DIP2C: variants seen among roughly 807,000 people sequenced by gnomAD.
DIP2C encodes the protein DIP2 acetate--CoA ligase C (putative), also known as disco-interacting protein 2 homolog C.
Under a neutral mutation model 192.4 loss-of-function variants are expected in DIP2C, and 33 were observed. The ratio of observed to expected loss-of-function variants is 0.17; its 90% CI spans 0.13 to 0.23. The LOEUF is 0.23. Ranked by LOEUF, DIP2C falls within the 10% of genes least tolerant of loss-of-function variation. The pLI is 1.00. For missense variants in DIP2C, 1,537 were observed against 2,110.1 expected (o/e 0.73, Z 5.32); for synonymous variants, 979 against 864.1 (o/e 1.13, Z -2.33).
chr10:527,476 G>A (rs778854298), intron 1 of DIP2C, among the ~76,000 whole-genome samples: 15 of 152,232 alleles, frequency 9.9e-5, no homozygotes, highest in Non-Finnish European at 2.2e-4. Flanking sequence ...AAAAGATGTG[G>A]TGTTTATTCC....
At chr10:301,946 G>A (rs970810021) in intron 32 of DIP2C, among the ~76,000 whole-genome samples, 3 of 152,010 alleles carry the variant, frequency 2.0e-5, no homozygotes, top group South Asian at 2.1e-4. Flanking sequence ...TTTTTCATTC[G>A]GTTTTCCCAC....
chr10:596,348 G>A (rs867437179), intron 1 of DIP2C, among the ~76,000 whole-genome samples: 9 of 151,616 alleles, frequency 5.9e-5, no homozygotes, highest in Middle Eastern at 3.4e-3. Context: ...CATCTCTAAC[G>A]AAAATTAGCC....
At chr10:514,948 C>T (rs951263042) in intron 1 of DIP2C, among the ~76,000 whole-genome samples, 2 of 152,104 alleles carry the variant, frequency 1.3e-5, no homozygotes, top group African/African-American at 4.8e-5. Context: ...AAAAAACAAG[C>T]TTTTTTTAAC....
intron 1 of DIP2C, among the ~76,000 whole-genome samples, chr10:618,895 C>T (rs1853651381): frequency 6.6e-6 from 1 of 152,190 alleles, no homozygotes. Context: ...TCCCTTTTTC[C>T]AGAACTTAAC....
intron 6 of DIP2C, among the ~76,000 whole-genome samples, chr10:416,771 C>T (rs1241683003): frequency 6.6e-6 from 1 of 152,124 alleles, no homozygotes; most frequent in Non-Finnish European, 1.5e-5. Context: ...CAAAAGCGTC[C>T]TCCTCAGGCA....
intron 32 of DIP2C, among the ~76,000 whole-genome samples, chr10:305,463 C>G (rs1045496019): frequency 3.9e-5 from 6 of 152,126 alleles, no homozygotes; most frequent in Non-Finnish European, 8.8e-5. Context: ...TTCTGTGGCC[C>G]CTGCTCTCAG....
intron 1 of DIP2C, among the ~76,000 whole-genome samples, chr10:539,389 C>G (rs1339874248): frequency 6.6e-6 from 1 of 152,102 alleles, no homozygotes; most frequent in Non-Finnish European, 1.5e-5. Context: ...ATTCACATGG[C>G]AAGTACATGG....
intron 1 of DIP2C, among the ~76,000 whole-genome samples, chr10:535,898 A>G (rs898554635): frequency 1.3e-5 from 2 of 152,228 alleles, no homozygotes; most frequent in African/African-American, 2.4e-5. Flanking sequence ...ACACATACTT[A>G]TATGTATGCA....
At chr10:330,549 G>A (rs528872159) in intron 29 of DIP2C, among the ~76,000 whole-genome samples, 132 of 152,058 alleles carry the variant, frequency 8.7e-4, no homozygotes, top group Non-Finnish European at 1.7e-3. Context: ...CTAGAGTAGG[G>A]TGGTGTAATC....
Position 362,505 on chromosome 10 carries a change from G to A in DIP2C, c.2779C>T (p.Arg927Ter). The A allele has an allele frequency of 6.2e-7, 1 of 1,613,780 alleles. No individual in the cohort carries two copies. The highest frequency in any genetic ancestry group is 8.5e-7 in the Non-Finnish European group (1 of 1,179,864). Residue 927 changes from arginine (R) to a stop codon, truncating the protein, a stop_gained, in exon 22 of 37, where the codon CGA (arginine) becomes TGA (stop). Transcript: ENST00000280886. LOFTEE classifies it high-confidence loss of function. ...HTCVTNLPKP[R>*]QKQPEIGPAS... ...GTGCACATACCTGGCTGCTTCTGTC[G>A]AGGCTTAGGCAAGTTTGTGACGCAG...
chr10:279,302 C>A (rs1264601375), intron 36 of DIP2C, among the ~76,000 whole-genome samples: 2 of 152,138 alleles, frequency 1.3e-5, no homozygotes, highest in African/African-American at 2.4e-5. Flanking sequence ...ACGTCTCAGG[C>A]GCATTTGGTA....
At chr10:557,901 C>CAGGCAG (rs1181007795) in intron 1 of DIP2C, among the ~76,000 whole-genome samples, 1 of 12,024 alleles carries the variant, frequency 8.3e-5, no homozygotes. Context: ...CAGGGGCAGG[C>CAGGCAG]GGGGAAGGGG....
intron 1 of DIP2C, among the ~76,000 whole-genome samples, chr10:490,394 G>A (rs922186064): frequency 3.3e-5 from 5 of 152,208 alleles, no homozygotes; most frequent in African/African-American, 9.6e-5. Context: ...GGGCCATCAC[G>A]TGTCTGTTAT....
chr10:513,788 TAA>T (rs904430443), intron 1 of DIP2C, among the ~76,000 whole-genome samples: 1 of 152,196 alleles, frequency 6.6e-6, no homozygotes, highest in East Asian at 1.9e-4. Flanking sequence ...ATGGCAATTT[TAA>T]AAGTCTCATT....
intron 1 of DIP2C, among the ~76,000 whole-genome samples, chr10:654,509 G>A (rs1236092427): frequency 6.6e-6 from 1 of 152,190 alleles, no homozygotes; most frequent in Non-Finnish European, 1.5e-5. Flanking sequence ...ACAACAGCAA[G>A]ATCCACGGAG....
intron 1 of DIP2C, among the ~76,000 whole-genome samples, chr10:640,195 G>C (rs1383380806): frequency 2.0e-5 from 3 of 152,260 alleles, no homozygotes; most frequent in Non-Finnish European, 4.4e-5. Flanking sequence ...GCAAGTGCCT[G>C]AACGTCCCCA....
intron 29 of DIP2C, among the ~76,000 whole-genome samples, chr10:340,131 A>T (rs1227629440): frequency 1.3e-5 from 2 of 151,854 alleles, no homozygotes; most frequent in African/African-American, 4.8e-5. Context: ...CAGTGAGCTG[A>T]GATTGTGGCA....
intron 1 of DIP2C, among the ~76,000 whole-genome samples, chr10:596,803 G>A (rs997370101): frequency 1.4e-4 from 22 of 152,190 alleles, no homozygotes; most frequent in African/African-American, 4.8e-4. Flanking sequence ...CCTGAGCTGG[G>A]GTGGTGGGGA....
In DIP2C at chr10:548,210, C is replaced by CCCCT. The variant is rs1175137145; in HGVS notation, c.86-61681_86-61680insAGGG. Among the ~76,000 whole-genome samples the CCCCT allele has an allele frequency of 1.4e-3, 148 of 103,614 alleles. 18 individuals are homozygous for CCCCT. Among genetic ancestry groups the CCCCT allele is most frequent in the Admixed American group, 2.2e-3 (25 of 11,132 alleles). 68.0% of individuals were successfully genotyped at this position (103,614 alleles called of 152,430 possible). A position where few individuals can be genotyped will look rare whatever the true frequency, so the allele number is the denominator to read the frequency against. ...TCCAATTCACACGAGTCTGCCCCAC[C>CCCCT]CCCCCCCCCACAGGAAAGCCCTGGT... is the stretch of plus-strand genomic sequence containing the variant. On this transcript the variant is annotated intron_variant, in intron 1 of 36. Transcript: ENST00000280886.
Sources: allele counts gnomAD v4.1 joint callset (sites outside exome capture counted in the v4.1 genomes callset), GRCh38; gene constraint gnomAD v4.1.1; transcripts MANE v1.5; gene names NCBI Gene and HGNC (gene_info 2026-07-23, HGNC 2026-07-21).